The following ODF4 variants were observed in gnomAD, a reference collection of about 807,000 sequenced individuals.
The protein encoded by ODF4 is outer dense fiber of sperm tails 4.
A neutral mutation model predicts 17.0 loss-of-function variants in ODF4; 11 were observed. The ratio of observed to expected loss-of-function variants is 0.65; its 90% CI spans 0.41 to 1.07. The LOEUF (loss-of-function observed/expected upper bound fraction) is 1.07. Ranked by LOEUF, ODF4 falls within the 50% of genes least tolerant of loss-of-function variation. The pLI is 0.00. For missense variants in ODF4, 281 were observed against 310.2 expected (o/e 0.91, Z 0.71); for synonymous variants, 127 against 121.8 (o/e 1.04, Z -0.28).
chr17:8,341,752 C>A (rs1295933320), intron 1 of ODF4, among the ~76,000 whole-genome samples: 1 of 147,090 alleles, frequency 6.8e-6, no homozygotes, highest in African/African-American at 2.6e-5. Flanking sequence ...GAGCTTTTGA[C>A]CCTTATTTCC....
rs1025343579 is a variant in ODF4, at chr17:8,344,816, T to C, written c.455-527T>C. ...ATTTTCTTGTATTTGCTCATTTGAT[T>C]ATGTTTCATCTTTTGTAAATCCTTA... On this transcript the variant is annotated intron_variant, in intron 1 of 2. Coordinates refer to ENST00000328248, the MANE Select transcript of ODF4 (RefSeq NM_153007.5). 10 of 961,020 alleles carry C rather than the reference T, an allele frequency of 1.0e-5. No homozygotes were observed. In the African/African-American group the frequency reaches 1.8e-4, roughly 17 times the overall value. 59.5% of individuals were successfully genotyped at this position (961,020 alleles called of 1,614,324 possible).
chr17:8,344,195 A>G lies in ODF4; in HGVS notation c.455-1148A>G, dbSNP rs1432556968. ...CACCTCAGCTTCCCAAAGTGGTGGGATTACAGGTGCGAGCCACCATGCTCA... is the reference window on the plus strand; with the variant it reads ...CACCTCAGCTTCCCAAAGTGGTGGGGTTACAGGTGCGAGCCACCATGCTCA... On this transcript the variant is annotated intron_variant, in intron 1 of 2. Transcript: ENST00000328248. 2.3e-5 allele frequency among the ~76,000 whole-genome samples: 3 copies of G among 127,784 alleles called. 1 individual carries two copies. The highest frequency in any genetic ancestry group is 5.0e-5 in the Non-Finnish European group (3 of 59,646). 83.8% of individuals were successfully genotyped at this position (127,784 alleles called of 152,430 possible). A position where few individuals can be genotyped will look rare whatever the true frequency, so the allele number is the denominator to read the frequency against.
In ODF4 at chr17:8,340,261, G is replaced by A. The variant is rs769798488; in HGVS notation, c.210G>A (p.Trp70Ter). The A allele has an allele frequency of 2.5e-6, 4 of 1,614,124 alleles. No individual in the cohort carries two copies. The South Asian group carries it at 4.4e-5, about 18-fold the overall frequency. ...QRQNSPLPFQ[W>*]RITHSFRWMA... ...AGAACTCTCCGCTGCCCTTTCAATGGAGAATCACACACAGCTTCCGCTGGA... is the reference window on the plus strand; with the variant it reads ...AGAACTCTCCGCTGCCCTTTCAATGAAGAATCACACACAGCTTCCGCTGGA... Residue 70 changes from tryptophan (W) to a stop codon, truncating the protein, a stop_gained, in exon 1 of 3, where the codon TGG becomes TGA. Coordinates refer to ENST00000328248, the MANE Select transcript of ODF4 (RefSeq NM_153007.5). LOFTEE classifies it high-confidence loss of function.
chr17:8,340,258 A>T lies in ODF4; in HGVS notation c.207A>T (p.Gln69His), dbSNP rs747576234. The T allele has an allele frequency of 2.5e-6, 4 of 1,613,980 alleles. No individual in the cohort carries two copies. The African/African-American group carries it at 4.0e-5, about 16-fold the overall frequency. The change falls in exon 1 of 3, where the codon CAA becomes CAT. Residue 69 changes from glutamine (Q) to histidine (H), a missense_variant. Gln to His is a conservative substitution (Grantham distance 24). Coordinates refer to ENST00000328248, the MANE Select transcript of ODF4 (RefSeq NM_153007.5). ...GCCAGAACTCTCCGCTGCCCTTTCA[A>T]TGGAGAATCACACACAGCTTCCGCT... is the stretch of plus-strand genomic sequence containing the variant. ...GQRQNSPLPFQWRITHSFRWM... is the reference protein window; with the variant it reads ...GQRQNSPLPFHWRITHSFRWM...
intron 1 of ODF4, chr17:8,344,818 T>G: frequency 2.1e-6 from 2 of 962,186 alleles, no homozygotes; most frequent in Non-Finnish European, 2.5e-6. Context: ...CATTTGATTA[T>G]GTTTCATCTT....
At chr17:8,341,891 C>T (rs1906036102) in intron 1 of ODF4, among the ~76,000 whole-genome samples, 2 of 151,934 alleles carry the variant, frequency 1.3e-5, no homozygotes, top group Admixed American at 1.3e-4. Context: ...AATATTATGT[C>T]CTTATTATAA....
chr17:8,344,785 C>T (rs1037834223), intron 1 of ODF4: 5 of 808,092 alleles, frequency 6.2e-6, no homozygotes, highest in Non-Finnish European at 7.5e-6. Context: ...CCGCGCCTGG[C>T]GGTACATTTT....
chr17:8,344,791 A>G (rs1906165396), intron 1 of ODF4: 2 of 874,136 alleles, frequency 2.3e-6, no homozygotes, highest in South Asian at 5.3e-5. Context: ...CTGGCGGTAC[A>G]TTTTCTTGTA....
At chr17:8,341,590 G>A (rs948899903) in intron 1 of ODF4, among the ~76,000 whole-genome samples, 1 of 151,992 alleles carries the variant, frequency 6.6e-6, no homozygotes, top group Non-Finnish European at 1.5e-5. Context: ...GAACTTCCAG[G>A]CTCAAGGGAT....
intron 1 of ODF4, among the ~76,000 whole-genome samples, chr17:8,341,539 G>A (rs1906016480): frequency 6.6e-6 from 1 of 151,988 alleles, no homozygotes; most frequent in Non-Finnish European, 1.5e-5. Flanking sequence ...CTGTCACCCA[G>A]GCTGGAGTAC....
At chr17:8,342,432 G>A (rs948525496) in intron 1 of ODF4, among the ~76,000 whole-genome samples, 3 of 152,008 alleles carry the variant, frequency 2.0e-5, no homozygotes, top group Non-Finnish European at 2.9e-5. Flanking sequence ...TAGTAGAGAC[G>A]GAGTTTCACC....
At chr17:8,343,306 A>G (rs1016514845) in intron 1 of ODF4, among the ~76,000 whole-genome samples, 1 of 139,380 alleles carries the variant, frequency 7.2e-6, no homozygotes, top group Non-Finnish European at 1.6e-5. Context: ...TAATTTTTGT[A>G]TTTTTAGTAG....
At chr17:8,342,588 T>C (rs1906068307) in intron 1 of ODF4, among the ~76,000 whole-genome samples, 1 of 152,206 alleles carries the variant, frequency 6.6e-6, no homozygotes, top group South Asian at 2.1e-4. Context: ...TAATTAGGAT[T>C]AGGTGTGTAT....
At chr17:8,343,201 G>A (rs534708035) in intron 1 of ODF4, among the ~76,000 whole-genome samples, 9 of 148,910 alleles carry the variant, frequency 6.0e-5, no homozygotes, top group African/African-American at 1.7e-4. Flanking sequence ...GCATGATCTC[G>A]GCTCAGTGCA....
rs1458405336 is a variant in ODF4, at chr17:8,345,482, G to A, written c.589+5G>A. 1 of 1,613,694 alleles carries A rather than the reference G, an allele frequency of 6.2e-7. No homozygotes were observed. Among genetic ancestry groups the A allele is most frequent in the Non-Finnish European group, 8.5e-7 (1 of 1,179,786 alleles). ...TTATCCTATACTTCACCTGCGGTGA[G>A]TGGCCAGAGGGCCCTGGGGGAAGGA... On this transcript the variant is annotated splice_donor_5th_base_variant and intron_variant, in intron 2 of 2. Coordinates refer to ENST00000328248, the MANE Select transcript of ODF4 (RefSeq NM_153007.5). This position sits in a 1 kb window ranked among gnomAD's most constrained non-coding sequence, Gnocchi z 4.1.
rs776804006 is a variant in ODF4, at chr17:8,345,673, CT to C, written c.598del (p.Cys200AlafsTer11). 51 of 1,613,826 alleles carry C rather than the reference CT, an allele frequency of 3.2e-5. No individual in the cohort carries two copies. In the East Asian group the frequency reaches 4.9e-4, roughly 16 times the overall value. On this transcript the variant is annotated frameshift_variant, in exon 3 of 3. Coordinates refer to ENST00000328248, the MANE Select transcript of ODF4 (RefSeq NM_153007.5). LOFTEE classifies it low-confidence loss of function (END_TRUNC). This position sits in a 1 kb window ranked among gnomAD's most constrained non-coding sequence, Gnocchi z 4.1. ...VLILYFTCAI[L>X]CYFNHKSFWS... is the part of the protein sequence containing the mutation. ...CTGTCCCTGTCCTTTCCCAGCGATC[CT>C]TTGCTACTTCAACCATAAAAGTTTC...
chr17:8,340,439 G>A lies in ODF4; in HGVS notation c.388G>A (p.Val130Ile), dbSNP rs750995155. 11 of 1,613,768 alleles carry A rather than the reference G, an allele frequency of 6.8e-6. No individual in the cohort carries two copies. Among genetic ancestry groups the A allele is most frequent in the Admixed American group, 6.7e-5 (4 of 59,986 alleles). ...CAACAGAATCCACACATCAGCCCACGTTATGTCCATGGGGCTCCTGCACTT... is the reference window on the plus strand; with the variant it reads ...CAACAGAATCCACACATCAGCCCACATTATGTCCATGGGGCTCCTGCACTT... Reference protein sequence around the residue: ...VSNRIHTSAHVMSMGLLHFYK... With the variant: ...VSNRIHTSAHIMSMGLLHFYK... The change falls in exon 1 of 3, where the codon GTT (valine) becomes ATT (isoleucine). Residue 130 changes from valine (V) to isoleucine (I), a missense_variant. Transcript: ENST00000328248.
chr17:8,345,532 G>A lies in ODF4; in HGVS notation c.589+55G>A. ...AAGCGACATGGGTAGGGTAGGGCAG[G>A]GAAAGTGTGGAGGGAAGAGGCTGGC... On this transcript the variant is annotated intron_variant, in intron 2 of 2. Transcript: ENST00000328248. The surrounding 1 kb of genome is among the most constrained non-coding windows in gnomAD (Gnocchi z 4.1). 1 of 1,594,812 alleles carries A rather than the reference G, an allele frequency of 6.3e-7. No homozygotes were observed.
At position 8,345,511 on chromosome 17, in the gene ODF4, G is replaced by A. The variant is rs372062446; in HGVS notation, c.589+34G>A. 5.0e-6 allele frequency: 8 copies of A among 1,610,122 alleles called. No homozygotes were observed. Among genetic ancestry groups the A allele is most frequent in the Middle Eastern group, 1.7e-4 (1 of 5,996 alleles). ...CCAGAGGGCCCTGGGGGAAGGAAGC[G>A]ACATGGGTAGGGTAGGGCAGGGAAA... On this transcript the variant is annotated intron_variant, in intron 2 of 2. Transcript: ENST00000328248. This position sits in a 1 kb window ranked among gnomAD's most constrained non-coding sequence, Gnocchi z 4.1.
Sources: allele counts gnomAD v4.1 joint callset (sites outside exome capture counted in the v4.1 genomes callset), GRCh38; gene constraint gnomAD v4.1.1; non-coding constraint Gnocchi (gnomAD v3.1); transcripts MANE v1.5; gene names NCBI Gene and HGNC (gene_info 2026-07-23, HGNC 2026-07-21).